Variants in HEMK2 observed in about 807,000 individuals in gnomAD.
HEMK2 encodes the protein HemK methyltransferase 2, ETF1 glutamine and histone H4 lysine.
At chr21:28,868,535 T>G in the HEMK2 span, among the ~76,000 whole-genome samples, 1 of 151,928 alleles carries the variant, frequency 6.6e-6, no homozygotes, top group Non-Finnish European at 1.5e-5. Context: ...ATACAAAAAA[T>G]TAGCTGGTTG....
At chr21:28,700,189 C>A in the HEMK2 span, among the ~76,000 whole-genome samples, 1 of 152,142 alleles carries the variant, frequency 6.6e-6, no homozygotes, top group African/African-American at 2.4e-5. Context: ...GTGTCACCCC[C>A]ACTATGTAGC....
the HEMK2 span, among the ~76,000 whole-genome samples, chr21:28,809,042 T>C: frequency 2.6e-5 from 4 of 152,196 alleles, no homozygotes; most frequent in African/African-American, 9.6e-5. Context: ...AATAAAATTT[T>C]GTCTTTAATG....
At chr21:28,804,746 G>C in the HEMK2 span, among the ~76,000 whole-genome samples, 2 of 152,172 alleles carry the variant, frequency 1.3e-5, no homozygotes, top group African/African-American at 2.4e-5. Flanking sequence ...CAGAACACTT[G>C]ATAATCTAAC....
At chr21:28,702,980 T>TA in the HEMK2 span, among the ~76,000 whole-genome samples, 3 of 151,892 alleles carry the variant, frequency 2.0e-5, no homozygotes, top group Non-Finnish European at 4.4e-5. Flanking sequence ...TACACAGCCA[T>TA]AAAAAAAGAA....
At chr21:28,862,803 C>T in the HEMK2 span, among the ~76,000 whole-genome samples, 9 of 152,176 alleles carry the variant, frequency 5.9e-5, no homozygotes, top group Non-Finnish European at 8.8e-5. Context: ...ATTTTATTTC[C>T]TTTCTCCTTT....
chr21:28,592,359 TGGA>T, the HEMK2 span, among the ~76,000 whole-genome samples: 1 of 152,198 alleles, frequency 6.6e-6, no homozygotes, highest in Admixed American at 6.5e-5. Flanking sequence ...CATTGACCAA[TGGA>T]GCCAAAAAGG....
the HEMK2 span, among the ~76,000 whole-genome samples, chr21:28,666,467 T>A: frequency 6.6e-6 from 1 of 152,330 alleles, no homozygotes; most frequent in East Asian, 1.9e-4. Context: ...AATATACACT[T>A]CTGGCAATGT....
the HEMK2 span, among the ~76,000 whole-genome samples, chr21:28,799,265 A>G: frequency 9.2e-5 from 14 of 152,336 alleles, no homozygotes; most frequent in African/African-American, 3.4e-4. Flanking sequence ...CATGTCTCAC[A>G]TGGTGGCAAA....
chr21:28,871,024 T>C, the HEMK2 span, among the ~76,000 whole-genome samples: 2 of 152,228 alleles, frequency 1.3e-5, no homozygotes, highest in African/African-American at 4.8e-5. Context: ...GTCTCCTTGA[T>C]GTAGTACTAA....
the HEMK2 span, among the ~76,000 whole-genome samples, chr21:28,685,625 T>C: frequency 6.6e-6 from 1 of 152,134 alleles, no homozygotes; most frequent in Non-Finnish European, 1.5e-5. Context: ...TGAAATGGTG[T>C]CAAGAATAAA....
the HEMK2 span, among the ~76,000 whole-genome samples, chr21:28,617,463 A>G: frequency 3.3e-5 from 5 of 152,192 alleles, no homozygotes; most frequent in African/African-American, 4.8e-5. Context: ...TTCACACCTC[A>G]TAAGTACTTA....
At chr21:28,624,499 T>C in the HEMK2 span, among the ~76,000 whole-genome samples, 6 of 152,188 alleles carry the variant, frequency 3.9e-5, no homozygotes, top group Non-Finnish European at 8.8e-5. Context: ...CGAAGGGGAA[T>C]ATTCACCTAG....
the HEMK2 span, among the ~76,000 whole-genome samples, chr21:28,677,613 T>C: frequency 6.6e-6 from 1 of 152,244 alleles, no homozygotes; most frequent in African/African-American, 2.4e-5. Flanking sequence ...AGTGGGTCCC[T>C]GACCCCCGAG....
chr21:28,836,484 A>G, the HEMK2 span, among the ~76,000 whole-genome samples: 2 of 152,198 alleles, frequency 1.3e-5, no homozygotes, highest in African/African-American at 4.8e-5. Flanking sequence ...TGCTAAAAGG[A>G]GCTCTAAATC....
chr21:28,822,728 G>A, the HEMK2 span, among the ~76,000 whole-genome samples: 7 of 152,192 alleles, frequency 4.6e-5, no homozygotes, highest in South Asian at 2.1e-4. Context: ...ATCTAGCTGA[G>A]CTGCTGTAAT....
the HEMK2 span, among the ~76,000 whole-genome samples, chr21:28,711,652 C>G: frequency 6.6e-6 from 1 of 152,058 alleles, no homozygotes; most frequent in Admixed American, 6.6e-5. Context: ...CACATAAGAG[C>G]AAAGCAGCTT....
the HEMK2 span, among the ~76,000 whole-genome samples, chr21:28,758,014 T>C: frequency 6.6e-6 from 1 of 152,236 alleles, no homozygotes; most frequent in Non-Finnish European, 1.5e-5. Context: ...TCATTTTAAA[T>C]ATGCATTCTC....
the HEMK2 span, among the ~76,000 whole-genome samples, chr21:28,635,846 G>T: frequency 6.6e-6 from 1 of 152,120 alleles, no homozygotes; most frequent in East Asian, 1.9e-4. Flanking sequence ...AGTATGCTAG[G>T]CCCTGGGCAC....
the HEMK2 span, among the ~76,000 whole-genome samples, chr21:28,868,657 C>A: frequency 6.6e-6 from 1 of 152,238 alleles, no homozygotes; most frequent in South Asian, 2.1e-4. Context: ...GCACTCCAGC[C>A]TGGGTGACAG....
Sources: allele counts gnomAD v4.1 joint callset (sites outside exome capture counted in the v4.1 genomes callset), GRCh38; gene constraint gnomAD v4.1.1; transcripts MANE v1.5; gene names NCBI Gene and HGNC (gene_info 2026-07-23, HGNC 2026-07-21).